Variants in RASSF8 observed in about 807,000 individuals in gnomAD.
RASSF8 encodes ras association domain-containing protein 8.
In RASSF8, 22 loss-of-function variants were observed where a neutral mutation model predicts 48.5. That is an observed-to-expected ratio of 0.45 (90% CI 0.32 to 0.65). The LOEUF is 0.65. RASSF8 is among the 30% of genes least tolerant of loss of function. RASSF8 has a pLI of 0.03. For missense variants in RASSF8, 418 were observed against 489.2 expected (o/e 0.85, Z 1.37); for synonymous variants, 127 against 171.5 (o/e 0.74, Z 2.03).
chr12:26,058,045 C>T (rs770501099), intron 3 of RASSF8, among the ~76,000 whole-genome samples: 12 of 152,198 alleles, frequency 7.9e-5, no homozygotes, highest in Non-Finnish European at 1.5e-4. Context: ...TGTGCTTGCC[C>T]ACTTGGACTA....
intron 2 of RASSF8, among the ~76,000 whole-genome samples, chr12:26,029,301 A>G (rs551902976): frequency 1.6e-4 from 25 of 152,374 alleles, no homozygotes; most frequent in African/African-American, 6.0e-4. Context: ...TGGGGAAAGA[A>G]GAACATTGAC....
At chr12:25,966,510 A>G in intron 1 of RASSF8, among the ~76,000 whole-genome samples, 1 of 152,182 alleles carries the variant, frequency 6.6e-6, no homozygotes, top group East Asian at 1.9e-4. Context: ...TCCAGCCATC[A>G]TTGTGGTTTT....
chr12:26,009,481 A>T (rs887670221), intron 2 of RASSF8, among the ~76,000 whole-genome samples: 2 of 152,176 alleles, frequency 1.3e-5, no homozygotes, highest in Non-Finnish European at 2.9e-5. Flanking sequence ...AGTGCACAGG[A>T]CTGTCCCACA....
At chr12:26,033,105 A>G (rs1419293093) in intron 2 of RASSF8, among the ~76,000 whole-genome samples, 1 of 152,150 alleles carries the variant, frequency 6.6e-6, no homozygotes, top group East Asian at 1.9e-4. Flanking sequence ...CCCTGAGGTA[A>G]ATACTAAGGA....
At chr12:26,011,906 A>G (rs1283986087) in intron 2 of RASSF8, 1 of 152,228 alleles carries the variant, frequency 6.6e-6, no homozygotes, top group Non-Finnish European at 1.5e-5. Context: ...ACAGTGACTC[A>G]TGAACTTCAG....
At chr12:26,046,150 CTCTT>C (rs1482458749) in intron 2 of RASSF8, among the ~76,000 whole-genome samples, 1 of 152,172 alleles carries the variant, frequency 6.6e-6, no homozygotes, top group African/African-American at 2.4e-5. Context: ...TGAACACCAC[CTCTT>C]TCTTCTCCTT....
chr12:26,024,712 T>G (rs543825907), intron 2 of RASSF8, among the ~76,000 whole-genome samples: 1 of 152,248 alleles, frequency 6.6e-6, no homozygotes, highest in African/African-American at 2.4e-5. Context: ...ATACCAGCAC[T>G]TTGGGAGGCT....
rs539647743 is a variant in RASSF8 at position 25,970,833 on chromosome 12, C to T, written c.-203+11685C>T. On this transcript the variant is annotated intron_variant, in intron 1 of 5. Coordinates refer to ENST00000689635, the MANE Select transcript of RASSF8 (RefSeq NM_001394098.1). ...TAATAAGACTTCCCATGCATTGATG[C>T]TGAAACATCTGAACATGCTATTTGA... Among the ~76,000 whole-genome samples, 14 of 152,326 alleles carry T rather than the reference C, an allele frequency of 9.2e-5. No homozygotes were observed. In the South Asian group the frequency reaches 2.9e-3, roughly 32 times the overall value.
rs749450984 is a variant in RASSF8 at position 26,065,377 on chromosome 12, A to G, written c.983A>G (p.Lys328Arg). 6.2e-7 allele frequency: 1 copy of G among 1,610,904 alleles called. No homozygotes were observed. The highest frequency in any genetic ancestry group is 8.5e-7 in the Non-Finnish European group (1 of 1,178,428). Reference protein sequence around the residue: ...AVERSLGQATKRLQDKEQELE... With the variant: ...AVERSLGQATRRLQDKEQELE... ...GAAAGATCTCTTGGACAAGCCACCAAACGCTTACAGGTAGGGACACTTTGA... is the reference window on the plus strand; with the variant it reads ...GAAAGATCTCTTGGACAAGCCACCAGACGCTTACAGGTAGGGACACTTTGA... The change falls in exon 4 of 6, where the codon AAA (lysine) becomes AGA (arginine). Residue 328 changes from lysine (K) to arginine (R), a missense_variant. By Grantham distance (26) the Lys-to-Arg change is conservative. Coordinates refer to ENST00000689635, the MANE Select transcript of RASSF8 (RefSeq NM_001394098.1).
At chr12:26,008,398 A>G (rs1357679636) in intron 2 of RASSF8, among the ~76,000 whole-genome samples, 1 of 152,220 alleles carries the variant, frequency 6.6e-6, no homozygotes, top group Non-Finnish European at 1.5e-5. Context: ...TGCTATAGCT[A>G]CTAGACAATT....
downstream of RASSF8, among the ~76,000 whole-genome samples, chr12:26,076,224 T>C (rs1294816402): frequency 6.6e-6 from 1 of 151,964 alleles, no homozygotes; most frequent in Non-Finnish European, 1.5e-5. Flanking sequence ...TCTACACCAA[T>C]CGTGACTGTG....
In RASSF8 at chr12:26,068,678, CTCTT is replaced by C; in HGVS notation, c.1139-17_1139-14del. On this transcript the variant is annotated splice_polypyrimidine_tract_variant and intron_variant, in intron 5 of 5. Transcript: ENST00000689635. ...AAGTTGACGAGCTCATCAGGTGGCT[CTCTT>C]TGTTTCCTGTTTAGAGGCACCATTC... The C allele has an allele frequency of 1.3e-6, 2 of 1,527,786 alleles. No homozygotes were observed. Among genetic ancestry groups the C allele is most frequent in the Non-Finnish European group, 1.8e-6 (2 of 1,138,832 alleles). The allele number at this position is 1,527,786 out of a possible 1,614,324, so 94.6% of individuals were successfully genotyped here.
chr12:26,031,550 G>A (rs1943030899), intron 2 of RASSF8, among the ~76,000 whole-genome samples: 1 of 152,196 alleles, frequency 6.6e-6, no homozygotes, highest in African/African-American at 2.4e-5. Context: ...GTGCCAGGTG[G>A]ATCACAGAGA....
chr12:26,025,328 C>T (rs1202917875), intron 2 of RASSF8, among the ~76,000 whole-genome samples: 1 of 151,806 alleles, frequency 6.6e-6, no homozygotes, highest in Non-Finnish European at 1.5e-5. Context: ...GAAGCCGAGG[C>T]GGGCAGATCA....
intron 2 of RASSF8, among the ~76,000 whole-genome samples, chr12:26,015,860 A>G (rs78379457): frequency 0.015 from 2,242 of 152,194 alleles, 29 homozygotes; most frequent in Middle Eastern, 0.031. Context: ...ATTGATAAGA[A>G]TAAAGCTGTG....
intron 1 of RASSF8, among the ~76,000 whole-genome samples, chr12:25,985,803 G>C (rs970934758): frequency 4.0e-5 from 6 of 149,930 alleles, no homozygotes; most frequent in Admixed American, 3.3e-4. Flanking sequence ...GCTAAAGGCA[G>C]TGTGTGGTGT....
At chr12:26,005,004 A>G (rs933777073) in intron 2 of RASSF8, among the ~76,000 whole-genome samples, 1 of 152,196 alleles carries the variant, frequency 6.6e-6, no homozygotes, top group African/African-American at 2.4e-5. Flanking sequence ...AAGTTAAAAA[A>G]AAATGGAAGT....
chr12:26,056,434 A>G (rs572391213), intron 3 of RASSF8, among the ~76,000 whole-genome samples: 1 of 152,374 alleles, frequency 6.6e-6, no homozygotes, highest in East Asian at 1.9e-4. Flanking sequence ...ACTAAGAGGA[A>G]GCTGTGTGGC....
chr12:25,965,935 T>C (rs890675088), intron 1 of RASSF8, among the ~76,000 whole-genome samples: 4 of 152,228 alleles, frequency 2.6e-5, no homozygotes, highest in African/African-American at 4.8e-5. Context: ...TATCTACCTA[T>C]TGATGAACAT....
Sources: gnomAD v4.1 joint callset for allele counts (sites outside exome capture counted in the v4.1 genomes callset) on GRCh38, gnomAD v4.1.1 for gene constraint, MANE v1.5 for transcripts, NCBI Gene and HGNC (gene_info 2026-07-23, HGNC 2026-07-21) for gene names.